Variants in BICRAL observed in about 807,000 individuals in gnomAD.
BICRAL encodes the protein BRD4-interacting chromatin-remodeling complex-associated protein-like.
BICRAL carries 8 observed loss-of-function variants against 91.8 expected under a neutral mutation model. The ratio of observed to expected loss-of-function variants is 0.09; its 90% CI spans 0.05 to 0.16. The LOEUF is 0.16. BICRAL is among the 10% of genes least tolerant of loss of function. The pLI is 1.00. For synonymous variants in BICRAL, 445 were observed against 491.1 expected (o/e 0.91, Z 1.24); for missense variants, 1,038 against 1,310.9 (o/e 0.79, Z 3.21).
intron 6 of BICRAL, among the ~76,000 whole-genome samples, chr6:42,844,488 T>A (rs1158912007): frequency 2.9e-5 from 3 of 103,442 alleles, no homozygotes; most frequent in Admixed American, 3.2e-4. Flanking sequence ...CAGCGTGGGC[T>A]ACAGAGCAAG....
chr6:42,863,114 T>C (rs1765605287), intron 12 of BICRAL, among the ~76,000 whole-genome samples: 1 of 150,344 alleles, frequency 6.7e-6, no homozygotes, highest in Non-Finnish European at 1.5e-5. Flanking sequence ...CAGTGGCGGA[T>C]CTTGGCTCAC....
chr6:42,789,639 CAA>C (rs11334649), intron 1 of BICRAL, among the ~76,000 whole-genome samples: 147 of 109,972 alleles, frequency 1.3e-3, no homozygotes, highest in East Asian at 1.9e-3. Context: ...TAGACTGTCT[CAA>C]AAAAAAAAAA....
intron 1 of BICRAL, among the ~76,000 whole-genome samples, chr6:42,769,156 G>C (rs748835675): frequency 1.3e-5 from 2 of 152,204 alleles, no homozygotes; most frequent in Non-Finnish European, 2.9e-5. Flanking sequence ...TCTCTCATGA[G>C]TTTATAGTTA....
At chr6:42,794,542 C>T (rs1428708655) in intron 1 of BICRAL, among the ~76,000 whole-genome samples, 1 of 151,948 alleles carries the variant, frequency 6.6e-6, no homozygotes, top group Non-Finnish European at 1.5e-5. Context: ...AGGTGTACTC[C>T]ACCATGCCTG....
chr6:42,860,995 G>A (rs992084588), intron 11 of BICRAL, among the ~76,000 whole-genome samples: 6 of 151,856 alleles, frequency 4.0e-5, no homozygotes, highest in African/African-American at 1.5e-4. Context: ...GCGTGGTGGC[G>A]CATGCCTGTA....
intron 1 of BICRAL, among the ~76,000 whole-genome samples, chr6:42,796,739 G>C (rs968400028): frequency 6.6e-6 from 1 of 151,974 alleles, no homozygotes; most frequent in Non-Finnish European, 1.5e-5. Flanking sequence ...TGACATATGC[G>C]ATGTGGGTAT....
Position 42,852,085 on chromosome 6 carries a change from T to C in BICRAL, c.1840-7T>C. On this transcript the variant is annotated splice_region_variant and splice_polypyrimidine_tract_variant and intron_variant, in intron 6 of 12. Transcript: ENST00000314073. The stretch of plus-strand genomic sequence containing the variant: ...ATTAATGTTTTCATCTTTGTCATGT[T>C]TCACAGGCTCAGAAAAAATGTCTGA... 1.3e-6 allele frequency: 2 copies of C among 1,543,356 alleles called. No homozygotes were observed. Among genetic ancestry groups the C allele is most frequent in the South Asian group, 2.2e-5 (2 of 89,302 alleles).
At chr6:42,808,134 T>A (rs1473197795) in intron 1 of BICRAL, among the ~76,000 whole-genome samples, 2 of 138,394 alleles carry the variant, frequency 1.4e-5, no homozygotes, top group African/African-American at 2.8e-5. Context: ...TATAATATCT[T>A]TTTTTTTTTT....
intron 1 of BICRAL, among the ~76,000 whole-genome samples, chr6:42,773,786 G>T (rs1350831929): frequency 2.0e-5 from 3 of 152,230 alleles, no homozygotes; most frequent in African/African-American, 7.2e-5. Flanking sequence ...AAAGTGCTGG[G>T]ATTACAGGCG....
intron 8 of BICRAL, among the ~76,000 whole-genome samples, chr6:42,854,748 T>C (rs1765293946): frequency 6.6e-6 from 1 of 152,114 alleles, no homozygotes; most frequent in Non-Finnish European, 1.5e-5. Flanking sequence ...CTGAAACTCC[T>C]GGGCTCAAGC....
upstream of BICRAL, among the ~76,000 whole-genome samples, chr6:42,778,607 A>G (rs1437963877): frequency 6.6e-6 from 1 of 152,180 alleles, no homozygotes; most frequent in African/African-American, 2.4e-5. Context: ...CAGGTTTGTT[A>G]GGTCATTTTT....
At chr6:42,813,101 G>A (rs1763886506) in intron 2 of BICRAL, among the ~76,000 whole-genome samples, 2 of 152,114 alleles carry the variant, frequency 1.3e-5, no homozygotes, top group African/African-American at 4.8e-5. Flanking sequence ...ATTGAGCTGT[G>A]GGACACTTCA....
upstream of BICRAL, among the ~76,000 whole-genome samples, chr6:42,779,224 ACACACAC>A (rs1414337757): frequency 8.3e-4 from 2 of 2,418 alleles, no homozygotes; most frequent in African/African-American, 2.6e-3. Flanking sequence ...CTCAAGAAAA[ACACACAC>A]ACACACACAC....
chr6:42,760,006 A>G (rs544032297), intron 1 of BICRAL, among the ~76,000 whole-genome samples: 1 of 152,226 alleles, frequency 6.6e-6, no homozygotes, highest in African/African-American at 2.4e-5. Flanking sequence ...GCACTTTGGG[A>G]GGCCGGGGCG....
chr6:42,844,602 G>GT (rs1186566450), intron 6 of BICRAL, among the ~76,000 whole-genome samples: 1 of 149,880 alleles, frequency 6.7e-6, no homozygotes, highest in Non-Finnish European at 1.5e-5. Context: ...GGAAGGTAAG[G>GT]AGTGGGCGTT....
chr6:42,784,949 T>A (rs1315844716), intron 1 of BICRAL, among the ~76,000 whole-genome samples: 1 of 152,114 alleles, frequency 6.6e-6, no homozygotes, highest in African/African-American at 2.4e-5. Flanking sequence ...CAGACACACG[T>A]TTGGACTGTC....
chr6:42,823,181 A>G (rs1200996692), intron 5 of BICRAL, among the ~76,000 whole-genome samples, 178 bp downstream of exon 5: 1 of 152,142 alleles, frequency 6.6e-6, no homozygotes, highest in Admixed American at 6.6e-5. Context: ...ACTGGAGTGC[A>G]GTGGTGCGAT....
At position 42,852,173 on chromosome 6, in the gene BICRAL, G is replaced by A. The variant is rs1765203354; in HGVS notation, c.1921G>A (p.Gly641Arg). 1 of 1,611,920 alleles carries A rather than the reference G, an allele frequency of 6.2e-7. No homozygotes were observed. Among genetic ancestry groups the A allele is most frequent in the African/African-American group, 1.3e-5 (1 of 74,838 alleles). The change falls in exon 7 of 13, where the codon GGG becomes AGG. Residue 641 changes from glycine to arginine, a missense_variant. Gly to Arg is a moderately radical substitution (Grantham distance 125). This residue lies in a region of BICRAL where 532 missense variants were observed against 724.9 expected (regional missense o/e 0.73). Coordinates refer to ENST00000314073, the MANE Select transcript of BICRAL (RefSeq NM_001393499.1). Reference protein sequence around the residue: ...TDGLRQAQIPGLLSTTLPGQD... With the variant: ...TDGLRQAQIPRLLSTTLPGQD... Reference sequence around the variant, plus strand: ...CGGCCTGAGGCAAGCACAGATCCCTGGGCTCTTGAGCACCACACTGCCAGG... The same window carrying A: ...CGGCCTGAGGCAAGCACAGATCCCTAGGCTCTTGAGCACCACACTGCCAGG...
chr6:42,781,865 G>A (rs1396511251), upstream of BICRAL: 1 of 148,434 alleles, frequency 6.7e-6, no homozygotes, highest in Non-Finnish European at 1.5e-5. Flanking sequence ...GGAGGTAGAC[G>A]AGCAGGCGAG....
Sources: allele counts gnomAD v4.1 joint callset (sites outside exome capture counted in the v4.1 genomes callset), GRCh38; gene constraint gnomAD v4.1.1; regional missense constraint gnomAD v4.1.1; transcripts MANE v1.5; gene names NCBI Gene and HGNC (gene_info 2026-07-23, HGNC 2026-07-21).